The following BTG4 variants were observed in gnomAD, a reference collection of about 807,000 sequenced individuals.
BTG4 encodes the protein protein BTG4.
BTG4 carries 10 observed loss-of-function variants against 19.3 expected under a neutral mutation model. The ratio of observed to expected loss-of-function variants is 0.52; its 90% CI spans 0.32 to 0.88. BTG4 has a LOEUF of 0.88. Among genes scored for constraint, BTG4 ranks in the 40% least tolerant of loss-of-function variants. BTG4 has a pLI of 0.04. For synonymous variants in BTG4, 91 were observed against 95.7 expected (o/e 0.95, Z 0.29); for missense variants, 238 against 281.9 (o/e 0.84, Z 1.11).
chr11:111,397,483 G>A, the BTG4 span: 3 of 152,256 alleles, frequency 2.0e-5, no homozygotes, highest in Non-Finnish European at 4.4e-5. Flanking sequence ...TCTCTGTCTA[G>A]AATGTTCTTC....
At chr11:111,406,310 T>A in the BTG4 span, among the ~76,000 whole-genome samples, 1 of 152,184 alleles carries the variant, frequency 6.6e-6, no homozygotes, top group Non-Finnish European at 1.5e-5. Context: ...ATGATGACCT[T>A]CAGGTGACTG....
At chr11:111,465,978 GGAATGGC>G (rs1298606068), downstream of BTG4, among the ~76,000 whole-genome samples, 2 of 152,136 alleles carry the variant, frequency 1.3e-5, no homozygotes, top group Non-Finnish European at 2.9e-5. Context: ...AACTAGGAAG[GGAATGGC>G]AGAGAAATGA....
At chr11:111,513,818 TATATTGTTAGTAATATTTTGAAAGTA>T (rs1410958112), upstream of BTG4, among the ~76,000 whole-genome samples, 32 of 152,354 alleles carry the variant, frequency 2.1e-4, no homozygotes, top group East Asian at 6.0e-3. Context: ...TTCTTGAGAC[TATATTGTTAGTAATATTTTGAAAGTA>T]ATATTGTTAG....
At chr11:111,440,445 A>G in the BTG4 span, among the ~76,000 whole-genome samples, 1 of 152,218 alleles carries the variant, frequency 6.6e-6, no homozygotes, top group African/African-American at 2.4e-5. Flanking sequence ...CAATGTCTAA[A>G]TAACCTATCC....
intron 4 of BTG4, chr11:111,496,597 C>T (rs1865746444): frequency 6.6e-6 from 1 of 152,088 alleles, no homozygotes; most frequent in South Asian, 2.1e-4. Context: ...ATAGTGTTAA[C>T]AAATTCTCTC....
intron 1 of BTG4, among the ~76,000 whole-genome samples, chr11:111,506,440 T>G (rs561331371): frequency 6.6e-6 from 1 of 152,008 alleles, no homozygotes; most frequent in East Asian, 1.9e-4. Flanking sequence ...ATGGTACATG[T>G]GGAAATGAAA....
the BTG4 span, among the ~76,000 whole-genome samples, chr11:111,420,538 T>C: frequency 6.6e-6 from 1 of 152,196 alleles, no homozygotes; most frequent in Non-Finnish European, 1.5e-5. Flanking sequence ...GATGAGACCA[T>C]GATCATCTCA....
At chr11:111,452,654 T>C in the BTG4 span, 2 of 152,246 alleles carry the variant, frequency 1.3e-5, no homozygotes, top group African/African-American at 4.8e-5. Context: ...CTTCCATTCC[T>C]GTTTATGATA....
At position 111,497,389 on chromosome 11, in the gene BTG4, G is replaced by T. The variant is rs747595865; in HGVS notation, c.332C>A (p.Pro111Gln). 21 of 1,380,738 alleles carry T rather than the reference G, an allele frequency of 1.5e-5. No homozygotes were observed. The highest frequency in any genetic ancestry group is 2.0e-5 in the Non-Finnish European group (21 of 1,061,512). The allele number at this position is 1,380,738 out of a possible 1,614,324, so 85.5% of individuals were successfully genotyped here. ...VCCRYGEKNH[P>Q]FTVASFKGRW... ...GCCTTTAAAAGAAGCAACTGTAAAT[G>T]GATGGTTTTTCTCACCATACCTAAG... The change falls in exon 4 of 5, where the codon CCA becomes CAA. Residue 111 changes from proline (P) to glutamine (Q), a missense_variant. By Grantham distance (76) the Pro-to-Gln change is moderately conservative. Coordinates refer to ENST00000692032, the MANE Select transcript of BTG4 (RefSeq NM_001367975.1).
chr11:111,431,296 C>T, the BTG4 span, among the ~76,000 whole-genome samples: 1 of 151,974 alleles, frequency 6.6e-6, no homozygotes, highest in Non-Finnish European at 1.5e-5. Context: ...TTTTTGGAGC[C>T]CTTGATGTGT....
the BTG4 span, among the ~76,000 whole-genome samples, chr11:111,409,991 G>T: frequency 2.0e-4 from 31 of 152,286 alleles, no homozygotes; most frequent in Admixed American, 1.6e-3. Context: ...TGCTTTAGGT[G>T]CACGGAAATG....
the BTG4 span, among the ~76,000 whole-genome samples, chr11:111,460,949 C>T: frequency 6.6e-6 from 1 of 152,152 alleles, no homozygotes; most frequent in Admixed American, 6.5e-5. Context: ...TCCCACCAAA[C>T]CCAGCCACTT....
At chr11:111,389,068 TGTA>T in the BTG4 span, among the ~76,000 whole-genome samples, 1 of 152,148 alleles carries the variant, frequency 6.6e-6, no homozygotes, top group African/African-American at 2.4e-5. Context: ...GAATCAAAGG[TGTA>T]GTTTCCTATA....
intron 1 of BTG4, among the ~76,000 whole-genome samples, chr11:111,510,634 A>G (rs567991287): frequency 1.3e-5 from 2 of 150,190 alleles, no homozygotes; most frequent in South Asian, 4.2e-4. Context: ...AAGAACAAGC[A>G]TTCTTTTTTT....
chr11:111,419,259 A>G, the BTG4 span, among the ~76,000 whole-genome samples: 2 of 152,380 alleles, frequency 1.3e-5, no homozygotes, highest in African/African-American at 2.4e-5. Flanking sequence ...TGCTCAGAGA[A>G]GTGCCAGTGA....
chr11:111,442,999 T>C, the BTG4 span, among the ~76,000 whole-genome samples: 1 of 152,114 alleles, frequency 6.6e-6, no homozygotes, highest in African/African-American at 2.4e-5. Context: ...ACCTCTACAG[T>C]GGAGGAAACC....
intron 5 of BTG4, chr11:111,475,060 A>T (rs1219373185): frequency 1.3e-5 from 2 of 152,588 alleles, no homozygotes; most frequent in African/African-American, 4.8e-5. Flanking sequence ...TCTTTATAAA[A>T]CAACTATATA....
chr11:111,393,592 G>A, the BTG4 span, among the ~76,000 whole-genome samples: 1 of 152,182 alleles, frequency 6.6e-6, no homozygotes, highest in Non-Finnish European at 1.5e-5. Context: ...GGGAACAGCT[G>A]GGAAGAGGTT....
the BTG4 span, among the ~76,000 whole-genome samples, chr11:111,427,119 T>C: frequency 6.6e-6 from 1 of 152,228 alleles, no homozygotes; most frequent in Non-Finnish European, 1.5e-5. Context: ...GAACATCTCT[T>C]TTCTCTCATA....
Sources: allele counts gnomAD v4.1 joint callset (sites outside exome capture counted in the v4.1 genomes callset), GRCh38; gene constraint gnomAD v4.1.1; transcripts MANE v1.5; gene names NCBI Gene and HGNC (gene_info 2026-07-23, HGNC 2026-07-21).